The following HTR3B variants were observed in gnomAD, a reference collection of about 807,000 sequenced individuals.
HTR3B encodes the protein 5-hydroxytryptamine receptor 3B, also known as 5-hydroxytryptamine (serotonin) receptor 3B, ionotropic.
A neutral mutation model predicts 42.8 loss-of-function variants in HTR3B; 44 were observed. The ratio of observed to expected loss-of-function variants is 1.03; its 90% CI spans 0.81 to 1.32. HTR3B has a LOEUF of 1.32. Ranked by LOEUF, HTR3B falls within the 40% of genes most tolerant of loss-of-function variation. The probability of loss-of-function intolerance (pLI) is 0.00; values close to 1 mark genes in which losing one functional copy is unlikely to be tolerated. For synonymous variants in HTR3B, 203 were observed against 209.0 expected, an observed-to-expected ratio of 0.97 and a Z score of 0.25; for missense variants, 527 against 536.5, an observed-to-expected ratio of 0.98 and a Z score of 0.17.
At chr11:113,941,536 C>G (rs1008679262) in intron 6 of HTR3B, among the ~76,000 whole-genome samples, 1 of 152,194 alleles carries the variant, frequency 6.6e-6, no homozygotes, top group Non-Finnish European at 1.5e-5. Flanking sequence ...ACAGTGCAGG[C>G]CAGCAGGACA....
intron 6 of HTR3B, among the ~76,000 whole-genome samples, chr11:113,936,846 G>C (rs1950095860): frequency 6.6e-6 from 1 of 152,108 alleles, no homozygotes; most frequent in Admixed American, 6.6e-5. Context: ...AGTACTGGTG[G>C]GGTCTACCAT....
intron 2 of HTR3B, among the ~76,000 whole-genome samples, chr11:113,923,549 G>C (rs185631390): frequency 5.3e-5 from 8 of 152,256 alleles, no homozygotes. Flanking sequence ...TATAGTCTCC[G>C]GAACTGGAAA....
chr11:113,925,864 G>C (rs913186982), intron 2 of HTR3B, among the ~76,000 whole-genome samples: 1 of 151,918 alleles, frequency 6.6e-6, no homozygotes, highest in South Asian at 2.1e-4. Context: ...TAAATAGCAG[G>C]TTTTTTTGAG....
chr11:113,944,239 C>T (rs927689927), intron 7 of HTR3B, among the ~76,000 whole-genome samples: 1 of 152,000 alleles, frequency 6.6e-6, no homozygotes, highest in South Asian at 2.1e-4. Context: ...AGGATGGTCT[C>T]GATCTCCTGA....
At chr11:113,944,794 G>T in intron 8 of HTR3B, 39 bp downstream of exon 8, 1 of 1,590,056 alleles carries the variant, frequency 6.3e-7, no homozygotes, top group South Asian at 1.1e-5. Flanking sequence ...CGTCTGGATT[G>T]ATCACCTTAA....
chr11:113,906,467 A>C (rs1276549109), intron 1 of HTR3B, among the ~76,000 whole-genome samples: 1 of 152,194 alleles, frequency 6.6e-6, no homozygotes, highest in Non-Finnish European at 1.5e-5. Context: ...TGACAATCAG[A>C]TAAGACAGCA....
intron 6 of HTR3B, among the ~76,000 whole-genome samples, chr11:113,941,607 C>A (rs916711628): frequency 6.6e-6 from 1 of 152,074 alleles, no homozygotes; most frequent in Non-Finnish European, 1.5e-5. Context: ...CTCCTGGAGA[C>A]TGAGCTGTGG....
chr11:113,901,328 A>T (rs1949696500), upstream of HTR3B, among the ~76,000 whole-genome samples: 1 of 152,042 alleles, frequency 6.6e-6, no homozygotes, highest in Non-Finnish European at 1.5e-5. Context: ...ATATACTCCC[A>T]GCTATGGGAG....
chr11:113,927,170 T>G (rs931750984), intron 2 of HTR3B, among the ~76,000 whole-genome samples: 2 of 152,214 alleles, frequency 1.3e-5, no homozygotes, highest in African/African-American at 4.8e-5. Context: ...TACAGTTCAG[T>G]GGCATTAAGT....
At chr11:113,917,055 T>C (rs1949861316) in intron 2 of HTR3B, among the ~76,000 whole-genome samples, 1 of 152,168 alleles carries the variant, frequency 6.6e-6, no homozygotes, top group South Asian at 2.1e-4. Flanking sequence ...GGGCCTCCAG[T>C]ACAATGTTGA....
At chr11:113,940,428 CT>C (rs753914513) in intron 6 of HTR3B, among the ~76,000 whole-genome samples, 1 of 152,190 alleles carries the variant, frequency 6.6e-6, no homozygotes, top group Non-Finnish European at 1.5e-5. Flanking sequence ...ACTTGATTCC[CT>C]TTTTCCTGCC....
chr11:113,935,745 T>C (rs1038676521), intron 6 of HTR3B, among the ~76,000 whole-genome samples: 1 of 152,164 alleles, frequency 6.6e-6, no homozygotes, highest in Non-Finnish European at 1.5e-5. Flanking sequence ...GCCAGGGTCC[T>C]GACAGCAAAG....
chr11:113,919,887 A>AT (rs539909604), intron 2 of HTR3B, among the ~76,000 whole-genome samples: 1 of 151,674 alleles, frequency 6.6e-6, no homozygotes. Flanking sequence ...CAAGGTTTAA[A>AT]TTTTTTTTCC....
the HTR3B span, among the ~76,000 whole-genome samples, chr11:113,899,210 C>T: frequency 6.6e-6 from 1 of 152,094 alleles, no homozygotes; most frequent in Non-Finnish European, 1.5e-5. Flanking sequence ...TATTTGTTTA[C>T]TTTTTAAGGA....
At chr11:113,934,611 A>C (rs755148100) in intron 6 of HTR3B, among the ~76,000 whole-genome samples, 6 of 152,150 alleles carry the variant, frequency 3.9e-5, no homozygotes, top group Non-Finnish European at 4.4e-5. Context: ...ACTAATGTAT[A>C]ATGCTGGCTA....
In HTR3B at chr11:113,912,192, G is replaced by T. The variant is rs560637813; in HGVS notation, c.213+2737G>T. Reference sequence around the variant, plus strand: ...ATTTTAGGATAGTATGAATAAAGCTGCTAAGAATTTTCCTGTACGAGTCTT... The same window carrying T: ...ATTTTAGGATAGTATGAATAAAGCTTCTAAGAATTTTCCTGTACGAGTCTT... On this transcript the variant is annotated intron_variant, in intron 2 of 8. Coordinates refer to ENST00000260191, the MANE Select transcript of HTR3B (RefSeq NM_006028.5). Among the ~76,000 whole-genome samples, 8 of 152,266 alleles carry T rather than the reference G, an allele frequency of 5.3e-5. No homozygotes were observed. The South Asian group carries it at 1.5e-3, about 28-fold the overall frequency.
intron 2 of HTR3B, among the ~76,000 whole-genome samples, chr11:113,931,061 C>G (rs1280610313): frequency 6.6e-6 from 1 of 152,090 alleles, no homozygotes; most frequent in East Asian, 1.9e-4. Context: ...CCCAAAATTA[C>G]TAAGACAACG....
chr11:113,913,409 C>T (rs946123186), intron 2 of HTR3B, among the ~76,000 whole-genome samples: 2 of 128,656 alleles, frequency 1.6e-5, no homozygotes, highest in East Asian at 4.4e-4. Flanking sequence ...TGGAGTTTCA[C>T]CATGTTGGCC....
In HTR3B at chr11:113,931,767, G is replaced by A; in HGVS notation, c.268G>A (p.Asp90Asn). Residue 90 changes from aspartate to asparagine, a missense_variant, in exon 4 of 9, where the codon GAT becomes AAT. By Grantham distance (23) the Asp-to-Asn change is conservative. Transcript: ENST00000260191. ...TSVWYQEVWNDEFLSWNSSMF... is the reference protein window; with the variant it reads ...TSVWYQEVWNNEFLSWNSSMF... ...TGGCTACTACTAACAGGTCTGGAAT[G>A]ATGAATTTTTATCCTGGAACTCCAG... 1 of 1,605,474 alleles carries A rather than the reference G, an allele frequency of 6.2e-7. No homozygotes were observed. Among genetic ancestry groups the A allele is most frequent in the African/African-American group, 1.3e-5 (1 of 74,886 alleles).
Sources: allele counts gnomAD v4.1 joint callset (sites outside exome capture counted in the v4.1 genomes callset), GRCh38; gene constraint gnomAD v4.1.1; transcripts MANE v1.5; gene names NCBI Gene and HGNC (gene_info 2026-07-23, HGNC 2026-07-21).